LYPD6B: variants seen among roughly 807,000 people sequenced by gnomAD.
LYPD6B encodes the protein LY6/PLAUR domain containing 6B.
In LYPD6B, 17 loss-of-function variants were observed where a neutral mutation model predicts 22.8. The ratio of observed to expected loss-of-function variants is 0.75; its 90% CI spans 0.51 to 1.12. The LOEUF is 1.12. LYPD6B is among the 50% of genes most tolerant of loss of function. LYPD6B has a pLI of 0.00. For missense variants in LYPD6B, 221 were observed against 258.3 expected (o/e 0.86, Z 0.99); for synonymous variants, 106 against 91.6 (o/e 1.16, Z -0.90).
At chr2:149,172,813 A>G (rs903218167) in intron 3 of LYPD6B, among the ~76,000 whole-genome samples, 1 of 151,968 alleles carries the variant, frequency 6.6e-6, no homozygotes, top group African/African-American at 2.4e-5. Flanking sequence ...GCTTGAGCTG[A>G]GACATGGATG....
intron 1 of LYPD6B, among the ~76,000 whole-genome samples, chr2:149,064,461 T>A (rs963939981): frequency 6.6e-6 from 1 of 152,212 alleles, no homozygotes; most frequent in African/African-American, 2.4e-5. Context: ...CCAGTTATCT[T>A]TAAAGGCCTC....
chr2:149,191,013 A>C lies in LYPD6B; in HGVS notation c.78-14240A>C, dbSNP rs570175473. 2.0e-5 allele frequency among the ~76,000 whole-genome samples: 3 copies of C among 152,304 alleles called. No homozygotes were observed. The South Asian group carries it at 6.2e-4, about 32-fold the overall frequency. On this transcript the variant is annotated intron_variant, in intron 3 of 6. Transcript: ENST00000409642. ...CTCATATTTTCTTCTGGCACTAAAA[A>C]AAATACATTTTATCATGAACAATTT...
intron 3 of LYPD6B, chr2:149,187,435 G>T (rs982604298): frequency 5.9e-6 from 9 of 1,531,288 alleles, no homozygotes; most frequent in Non-Finnish European, 7.9e-6. Flanking sequence ...GATGTGAAAG[G>T]CATTGTACAG....
At chr2:149,144,519 A>G (rs756280678) in intron 2 of LYPD6B, among the ~76,000 whole-genome samples, 53 of 151,854 alleles carry the variant, frequency 3.5e-4, no homozygotes, top group Admixed American at 2.1e-3. Context: ...AGCCTCCCAA[A>G]TAGCTGGGAT....
intron 3 of LYPD6B, chr2:149,187,652 T>G (rs1287821661): frequency 1.2e-6 from 1 of 813,350 alleles, no homozygotes. Context: ...TTGTCCAATC[T>G]TTTGGATTCT....
At chr2:149,041,460 C>T (rs79116283) in intron 1 of LYPD6B, among the ~76,000 whole-genome samples, 2,543 of 152,270 alleles carry the variant, frequency 0.017, 79 homozygotes, top group African/African-American at 0.058. Flanking sequence ...ACCCTGAAAC[C>T]AGTCATTGGC....
In LYPD6B at chr2:149,203,079, C is replaced by A. The variant is rs949714562; in HGVS notation, c.78-2174C>A. Among the ~76,000 whole-genome samples, 3 of 152,126 alleles carry A rather than the reference C, an allele frequency of 2.0e-5. No individual in the cohort carries two copies. In the South Asian group the frequency reaches 6.2e-4, roughly 32 times the overall value. On this transcript the variant is annotated intron_variant, in intron 3 of 6. Transcript: ENST00000409642. ...GCTTTAACCATGTGCTCAGCACATGCACTCAGCGCGTGCAAACTATGTGCT... is the reference window on the plus strand; with the variant it reads ...GCTTTAACCATGTGCTCAGCACATGAACTCAGCGCGTGCAAACTATGTGCT...
At position 149,075,420 on chromosome 2, in the gene LYPD6B, G is replaced by C. The variant is rs890658556; in HGVS notation, c.-67+36619G>C. Among the ~76,000 whole-genome samples the C allele has an allele frequency of 3.3e-5, 5 of 152,224 alleles. No homozygotes were observed. In the East Asian group the frequency reaches 9.6e-4, roughly 29 times the overall value. On this transcript the variant is annotated intron_variant, in intron 1 of 6. Coordinates refer to ENST00000409642, the MANE Select transcript of LYPD6B (RefSeq NM_177964.5). Reference sequence around the variant, plus strand: ...TGTTTTGCAGTGTGTATATTTTACTGAACACATTTCTGGCCAATTTAGACT... The same window carrying C: ...TGTTTTGCAGTGTGTATATTTTACTCAACACATTTCTGGCCAATTTAGACT...
At chr2:149,103,548 A>G (rs760796508) in intron 1 of LYPD6B, among the ~76,000 whole-genome samples, 1 of 152,118 alleles carries the variant, frequency 6.6e-6, no homozygotes, top group Non-Finnish European at 1.5e-5. Context: ...AAGTTTGGAC[A>G]TATGTAGTAT....
chr2:149,106,941 G>T (rs753270267), intron 1 of LYPD6B, among the ~76,000 whole-genome samples: 1 of 151,788 alleles, frequency 6.6e-6, no homozygotes, highest in Non-Finnish European at 1.5e-5. Context: ...CAGGGGATGT[G>T]CTCCAAGGCC....
chr2:149,045,678 T>C (rs931652159), intron 1 of LYPD6B, among the ~76,000 whole-genome samples: 7 of 152,252 alleles, frequency 4.6e-5, no homozygotes, highest in Non-Finnish European at 1.0e-4. Flanking sequence ...TATCATTTAA[T>C]TTTAAGATAT....
At chr2:149,078,500 T>G (rs892069521) in intron 1 of LYPD6B, among the ~76,000 whole-genome samples, 4 of 152,102 alleles carry the variant, frequency 2.6e-5, no homozygotes, top group Admixed American at 2.6e-4. Flanking sequence ...TTTGTCTCCT[T>G]CCATGGTTGC....
In LYPD6B at chr2:149,148,950, G is replaced by A. The variant is rs75042224; in HGVS notation, c.6-11814G>A. ...AATCAAATACATACCTGGAAATGATGCTAAGTGCTGTGAAGAGGTGGTGAG... is the reference window on the plus strand; with the variant it reads ...AATCAAATACATACCTGGAAATGATACTAAGTGCTGTGAAGAGGTGGTGAG... On this transcript the variant is annotated intron_variant, in intron 2 of 6. Coordinates refer to ENST00000409642, the MANE Select transcript of LYPD6B (RefSeq NM_177964.5). Among the ~76,000 whole-genome samples the A allele has an allele frequency of 6.4e-3, 975 of 152,284 alleles. 13 individuals are homozygous for A. Among genetic ancestry groups the A allele is most frequent in the African/African-American group, 0.022 (922 of 41,554 alleles).
intron 5 of LYPD6B, among the ~76,000 whole-genome samples, chr2:149,212,552 G>GTAATGAAACAACTGTA (rs1302475827): frequency 6.6e-6 from 1 of 152,016 alleles, no homozygotes; most frequent in Non-Finnish European, 1.5e-5. Context: ...AAAATGATGA[G>GTAATGAAACAACTGTA]TAATGAAACA....
chr2:149,202,343 T>G (rs1693216392), intron 3 of LYPD6B, among the ~76,000 whole-genome samples: 1 of 152,172 alleles, frequency 6.6e-6, no homozygotes, highest in Admixed American at 6.5e-5. Context: ...AGTCCCCTCC[T>G]TCGTGTTCCA....
At chr2:149,102,069 A>T (rs371475616) in intron 1 of LYPD6B, among the ~76,000 whole-genome samples, 1 of 152,208 alleles carries the variant, frequency 6.6e-6, no homozygotes, top group Admixed American at 6.5e-5. Flanking sequence ...TTCCATAGGC[A>T]TTTACTCACA....
intron 1 of LYPD6B, among the ~76,000 whole-genome samples, chr2:149,100,489 T>C (rs1304948271): frequency 6.8e-6 from 1 of 147,328 alleles, no homozygotes; most frequent in African/African-American, 2.5e-5. Flanking sequence ...GTATGGGGCA[T>C]TGTTTTAGTA....
intron 1 of LYPD6B, among the ~76,000 whole-genome samples, chr2:149,104,685 C>A (rs113707751): frequency 0.033 from 5,021 of 152,158 alleles, 203 homozygotes; most frequent in African/African-American, 0.09. Context: ...ATTCTCTTAA[C>A]AATGTCTTTC....
chr2:149,205,120 G>T, intron 3 of LYPD6B, 133 bp from the exon 4 acceptor site: 1 of 836,236 alleles, frequency 1.2e-6, no homozygotes, highest in Non-Finnish European at 1.8e-6. Flanking sequence ...CAATTTACTC[G>T]CAGGTCCTGG....
Sources: allele counts gnomAD v4.1 joint callset (sites outside exome capture counted in the v4.1 genomes callset), GRCh38; gene constraint gnomAD v4.1.1; transcripts MANE v1.5; gene names NCBI Gene and HGNC (gene_info 2026-07-23, HGNC 2026-07-21).